DLG2: variants seen among roughly 807,000 people sequenced by gnomAD.
DLG2 encodes the protein discs large MAGUK scaffold protein 2.
DLG2 carries 45 observed loss-of-function variants against 132.5 expected under a neutral mutation model. The ratio of observed to expected loss-of-function variants is 0.34; its 90% CI spans 0.27 to 0.44. The LOEUF (loss-of-function observed/expected upper bound fraction) is 0.44, where lower values mean the gene tolerates loss of function less well. Among genes scored for constraint, DLG2 ranks in the 20% least tolerant of loss-of-function variants. The pLI is 1.00. For missense variants in DLG2, 1,045 were observed against 1,196.9 expected (o/e 0.87, Z 1.87); for synonymous variants, 424 against 419.6 (o/e 1.01, Z -0.13).
At chr11:84,364,480 T>G (rs1474181811) in intron 7 of DLG2, among the ~76,000 whole-genome samples, 1 of 152,198 alleles carries the variant, frequency 6.6e-6, no homozygotes, top group East Asian at 1.9e-4. Context: ...ACTTCCTCTT[T>G]TCCTAACTGA....
intron 6 of DLG2, among the ~76,000 whole-genome samples, chr11:84,827,079 T>G (rs2078418757): frequency 1.3e-5 from 2 of 151,728 alleles, no homozygotes; most frequent in African/African-American, 2.4e-5. Context: ...ACCACCTGCT[T>G]CATCACTAAT....
At chr11:84,134,399 A>G (rs1464867415) in intron 9 of DLG2, among the ~76,000 whole-genome samples, 2 of 152,104 alleles carry the variant, frequency 1.3e-5, no homozygotes, top group African/African-American at 4.8e-5. Flanking sequence ...AAGAAGTGCT[A>G]TTTATTAAAG....
chr11:85,020,248 G>T (rs2059926193), intron 6 of DLG2, among the ~76,000 whole-genome samples: 1 of 152,048 alleles, frequency 6.6e-6, no homozygotes, highest in African/African-American at 2.4e-5. Context: ...ATGTGTTGTT[G>T]GCTGCATAAA....
chr11:84,370,757 G>A (rs2154428520), intron 7 of DLG2, among the ~76,000 whole-genome samples: 1 of 152,202 alleles, frequency 6.6e-6, no homozygotes, highest in East Asian at 1.9e-4. Context: ...TTCGTTATAG[G>A]CGTTCAAGAA....
chr11:84,221,500 C>T (rs891861801), intron 8 of DLG2, among the ~76,000 whole-genome samples: 1 of 152,022 alleles, frequency 6.6e-6, no homozygotes, highest in African/African-American at 2.4e-5. Context: ...AGCAGCTATT[C>T]TCAATTAATG....
chr11:83,621,776 A>G (rs1337596796), intron 19 of DLG2, among the ~76,000 whole-genome samples: 1 of 152,170 alleles, frequency 6.6e-6, no homozygotes, highest in Non-Finnish European at 1.5e-5. Flanking sequence ...TAAGGAAAAT[A>G]ATCATGCTTT....
At chr11:85,308,019 G>A (rs965059925) in intron 3 of DLG2, among the ~76,000 whole-genome samples, 5 of 151,902 alleles carry the variant, frequency 3.3e-5, no homozygotes, top group African/African-American at 9.7e-5. Context: ...GCTGGGTGTG[G>A]TGGCACATGC....
chr11:83,893,533 A>G (rs1267945110), intron 15 of DLG2, among the ~76,000 whole-genome samples: 1 of 152,086 alleles, frequency 6.6e-6, no homozygotes, highest in Admixed American at 6.6e-5. Context: ...TTTCATTCAG[A>G]TCCCTGAGAT....
chr11:85,357,598 C>A (rs180699560), intron 3 of DLG2, among the ~76,000 whole-genome samples: 11 of 140,472 alleles, frequency 7.8e-5, no homozygotes, highest in African/African-American at 2.4e-4. Context: ...ACTTAAAAGT[C>A]AATAGTGGCT....
rs7106992 is a variant in DLG2 at position 85,598,091 on chromosome 11, T to C, written c.40+566A>G. Among the ~76,000 whole-genome samples, 814 of 152,068 alleles carry C rather than the reference T, an allele frequency of 5.4e-3. 9 individuals carry two copies. The highest frequency in any genetic ancestry group is 0.018 in the African/African-American group (758 of 41,570). On this transcript the variant is annotated intron_variant, in intron 3 of 27. Transcript: ENST00000376104. The stretch of plus-strand genomic sequence containing the variant: ...AGGAGAATAAACATAAGTTTAAACA[T>C]TATATGGTTAGCTTCATGACAAATT...
rs1195932952 is a variant in DLG2 at position 84,607,717 on chromosome 11, C to G, written c.358-72986G>C. Among the ~76,000 whole-genome samples, 3 of 152,028 alleles carry G rather than the reference C, an allele frequency of 2.0e-5. No individual in the cohort carries two copies. The East Asian group carries it at 5.8e-4, about 29-fold the overall frequency. ...ACCTCCTCCTATCTCTGACTTTAAT[C>G]AGGTTATTCTCATTTATCTAGTAAG... On this transcript the variant is annotated intron_variant, in intron 6 of 27. Coordinates refer to ENST00000376104, the MANE Select transcript of DLG2 (RefSeq NM_001142699.3).
chr11:84,189,844 G>A (rs974047130), intron 8 of DLG2, among the ~76,000 whole-genome samples: 2 of 152,076 alleles, frequency 1.3e-5, no homozygotes, highest in Non-Finnish European at 2.9e-5. Context: ...GGGGGAAGGA[G>A]GGCATCAGGA....
chr11:84,266,361 T>C (rs1331842849), intron 7 of DLG2, among the ~76,000 whole-genome samples: 1 of 152,240 alleles, frequency 6.6e-6, no homozygotes, highest in Admixed American at 6.5e-5. Context: ...CAAGCTATTG[T>C]AATTATCCAG....
intron 6 of DLG2, among the ~76,000 whole-genome samples, chr11:84,771,579 A>G (rs962038471): frequency 6.6e-6 from 1 of 152,168 alleles, no homozygotes; most frequent in African/African-American, 2.4e-5. Flanking sequence ...TTCTTTATAA[A>G]TTACCCAGCC....
chr11:84,566,505 A>G (rs1311745823), intron 6 of DLG2, among the ~76,000 whole-genome samples: 2 of 152,314 alleles, frequency 1.3e-5, no homozygotes, highest in East Asian at 3.9e-4. Context: ...GACTTGCAAC[A>G]CAGCTTTGTT....
At chr11:84,962,744 T>A (rs2052763433) in intron 6 of DLG2, among the ~76,000 whole-genome samples, 1 of 152,206 alleles carries the variant, frequency 6.6e-6, no homozygotes, top group African/African-American at 2.4e-5. Context: ...CCTTATCATA[T>A]GGCAAAAGAA....
At chr11:84,237,900 G>C (rs1172583827) in intron 8 of DLG2, among the ~76,000 whole-genome samples, 1 of 151,862 alleles carries the variant, frequency 6.6e-6, no homozygotes, top group Non-Finnish European at 1.5e-5. Context: ...AATTAGCCGG[G>C]TGTGGTGGTG....
chr11:85,161,802 T>A (rs2078049178), intron 4 of DLG2, among the ~76,000 whole-genome samples: 1 of 152,192 alleles, frequency 6.6e-6, no homozygotes, highest in Non-Finnish European at 1.5e-5. Context: ...AAGGTGACAA[T>A]ACTTTGCAGG....
intron 7 of DLG2, among the ~76,000 whole-genome samples, chr11:84,530,208 G>A (rs564563363): frequency 6.6e-6 from 1 of 152,198 alleles, no homozygotes; most frequent in South Asian, 2.1e-4. Context: ...GATAACTTAG[G>A]AAATACTATT....
Sources: gnomAD v4.1 joint callset for allele counts (sites outside exome capture counted in the v4.1 genomes callset) on GRCh38, gnomAD v4.1.1 for gene constraint, MANE v1.5 for transcripts, NCBI Gene and HGNC (gene_info 2026-07-23, HGNC 2026-07-21) for gene names.